STPG2: variants seen among roughly 807,000 people sequenced by gnomAD.
STPG2 encodes sperm-tail PG-rich repeat-containing protein 2.
A neutral mutation model predicts 54.2 loss-of-function variants in STPG2; 56 were observed. The ratio of observed to expected loss-of-function variants is 1.03; its 90% confidence interval spans 0.83 to 1.29. The LOEUF (loss-of-function observed/expected upper bound fraction) is 1.29. Among genes scored for constraint, STPG2 ranks in the 50% most tolerant of loss-of-function variants. STPG2 has a pLI of 0.00. For missense variants in STPG2, 596 were observed against 544.9 expected (o/e 1.09, Z -0.93); for synonymous variants, 200 against 181.8 (o/e 1.10, Z -0.81).
chr4:98,018,696 G>T (rs80242725), intron 5 of STPG2, among the ~76,000 whole-genome samples: 44,611 of 147,406 alleles, frequency 0.3, 6,981 homozygotes, highest in Middle Eastern at 0.34. Flanking sequence ...CCTGACTTTT[G>T]AATGACTGCC....
chr4:97,873,305 ACT>A (rs762062215), intron 8 of STPG2, among the ~76,000 whole-genome samples: 6 of 150,670 alleles, frequency 4.0e-5, no homozygotes, highest in South Asian at 2.1e-4. Context: ...CAAAATATTT[ACT>A]CTTTCATTTA....
chr4:97,907,072 A>T (rs1448734052), intron 8 of STPG2, among the ~76,000 whole-genome samples: 3 of 151,982 alleles, frequency 2.0e-5, no homozygotes, highest in Non-Finnish European at 2.9e-5. Flanking sequence ...AGAGGAAGTC[A>T]AATTGTCCCT....
chr4:97,531,258 G>T (rs1395047057), intron 4 of STPG2, among the ~76,000 whole-genome samples: 1 of 152,184 alleles, frequency 6.6e-6, no homozygotes, highest in East Asian at 1.9e-4. Flanking sequence ...TTGTTAGTGG[G>T]AATGTAAATT....
intron 8 of STPG2, among the ~76,000 whole-genome samples, chr4:97,856,166 G>A (rs926153615): frequency 3.3e-5 from 5 of 152,034 alleles, no homozygotes; most frequent in East Asian, 1.9e-4. Context: ...TTTTGGTTCC[G>A]TATGAATTCT....
intron 4 of STPG2, among the ~76,000 whole-genome samples, chr4:97,538,255 G>A (rs1488023178): frequency 1.3e-5 from 2 of 152,164 alleles, no homozygotes; most frequent in African/African-American, 4.8e-5. Context: ...CGAGCTAAAG[G>A]AGGAAGTTCA....
At chr4:98,067,844 T>TA (rs1344724990) in intron 5 of STPG2, among the ~76,000 whole-genome samples, 3 of 152,156 alleles carry the variant, frequency 2.0e-5, no homozygotes, top group African/African-American at 7.2e-5. Flanking sequence ...TTGGTTATTA[T>TA]AAAAAAGAAC....
intron 4 of STPG2, among the ~76,000 whole-genome samples, chr4:97,526,372 A>G (rs1044499416): frequency 2.4e-4 from 37 of 152,100 alleles, no homozygotes; most frequent in African/African-American, 8.0e-4. Flanking sequence ...TTTAGCATAA[A>G]ATCTACCACA....
intron 10 of STPG2, among the ~76,000 whole-genome samples, chr4:97,693,729 C>A (rs763740702): frequency 2.6e-5 from 4 of 152,276 alleles, no homozygotes; most frequent in South Asian, 2.1e-4. Flanking sequence ...TTCATTAGCA[C>A]ATGGAACATT....
intron 5 of STPG2, among the ~76,000 whole-genome samples, chr4:98,076,073 T>C (rs993116196): frequency 1.3e-5 from 2 of 152,054 alleles, no homozygotes; most frequent in Non-Finnish European, 2.9e-5. Flanking sequence ...TGAAACTCCA[T>C]CTCTACTAAA....
At chr4:97,994,818 C>A (rs1173750780) in intron 5 of STPG2, among the ~76,000 whole-genome samples, 4 of 152,074 alleles carry the variant, frequency 2.6e-5, no homozygotes, top group Admixed American at 6.6e-5. Flanking sequence ...ACATCAGCTG[C>A]AGTTGCATAG....
intron 10 of STPG2, among the ~76,000 whole-genome samples, chr4:97,584,209 G>A (rs571775215): frequency 2.6e-5 from 4 of 151,966 alleles, no homozygotes; most frequent in Non-Finnish European, 1.5e-5. Context: ...AATAAAACTG[G>A]TCATTAACTC....
intron 8 of STPG2, among the ~76,000 whole-genome samples, chr4:97,847,315 T>A (rs930798962): frequency 6.6e-6 from 1 of 152,166 alleles, no homozygotes; most frequent in Non-Finnish European, 1.5e-5. Flanking sequence ...ATATTCATCA[T>A]TGTAAACATA....
At chr4:97,827,360 T>C (rs1485420825) in intron 9 of STPG2, among the ~76,000 whole-genome samples, 1 of 151,200 alleles carries the variant, frequency 6.6e-6, no homozygotes, top group Non-Finnish European at 1.5e-5. Context: ...CTCAGCCTCC[T>C]GAGTAGCTGG....
At chr4:97,543,384 C>G (rs1280403967) in intron 4 of STPG2, among the ~76,000 whole-genome samples, 1 of 151,758 alleles carries the variant, frequency 6.6e-6, no homozygotes, top group Admixed American at 6.6e-5. Flanking sequence ...AGTCAATTTT[C>G]CTACCTAAGT....
At chr4:97,831,456 A>G (rs1728457843) in intron 9 of STPG2, among the ~76,000 whole-genome samples, 1 of 152,174 alleles carries the variant, frequency 6.6e-6, no homozygotes, top group South Asian at 2.1e-4. Context: ...CCTCAAAATT[A>G]AAAGAACTAG....
At chr4:98,052,769 G>C (rs927495547) in intron 5 of STPG2, among the ~76,000 whole-genome samples, 22 of 152,100 alleles carry the variant, frequency 1.4e-4, no homozygotes, top group Admixed American at 1.4e-3. Context: ...TTACTTAGTA[G>C]GCATTGAACC....
intron 9 of STPG2, among the ~76,000 whole-genome samples, chr4:97,809,223 A>G (rs1231106778): frequency 2.0e-5 from 3 of 152,194 alleles, no homozygotes; most frequent in Admixed American, 2.0e-4. Flanking sequence ...AAACACAGAA[A>G]CTAGAAATTG....
chr4:97,649,436 A>G (rs1319185966), intron 10 of STPG2, among the ~76,000 whole-genome samples: 1 of 152,058 alleles, frequency 6.6e-6, no homozygotes, highest in African/African-American at 2.4e-5. Flanking sequence ...TTTTTAGGGC[A>G]AAAAAATAGT....
At chr4:97,995,416 G>A (rs114145804) in intron 5 of STPG2, among the ~76,000 whole-genome samples, 306 of 151,908 alleles carry the variant, frequency 2.0e-3, no homozygotes, top group African/African-American at 7.1e-3. Flanking sequence ...CTCTCCACAC[G>A]GCTCTGTCTG....
Sources: gnomAD v4.1 joint callset for allele counts (sites outside exome capture counted in the v4.1 genomes callset) on GRCh38, gnomAD v4.1.1 for gene constraint, MANE v1.5 for transcripts, NCBI Gene and HGNC (gene_info 2026-07-23, HGNC 2026-07-21) for gene names.